Variants in IDO2 observed in about 807,000 individuals in gnomAD.
IDO2 encodes the protein indoleamine 2,3-dioxygenase-like 1 protein.
A neutral mutation model predicts 45.1 loss-of-function variants in IDO2; 46 were observed. The ratio of observed to expected loss-of-function variants is 1.02; its 90% confidence interval spans 0.80 to 1.30. The LOEUF is 1.30. IDO2 is among the 50% of genes most tolerant of loss of function. The probability of loss-of-function intolerance (pLI) is 0.00; values close to 1 mark genes in which losing one functional copy is unlikely to be tolerated. For synonymous variants in IDO2, 218 were observed against 184.9 expected (o/e 1.18, Z -1.45); for missense variants, 544 against 491.8 (o/e 1.11, Z -1.00).
intron 1 of IDO2, among the ~76,000 whole-genome samples, chr8:39,943,933 T>G (rs1807691728): frequency 6.6e-6 from 1 of 152,068 alleles, no homozygotes; most frequent in Admixed American, 6.6e-5. Flanking sequence ...CGAGAGGTGC[T>G]GTGGCTCAGT....
intron 3 of IDO2, among the ~76,000 whole-genome samples, chr8:39,967,676 C>T (rs1353468204): frequency 3.3e-5 from 5 of 152,140 alleles, no homozygotes; most frequent in South Asian, 2.1e-4. Flanking sequence ...TTATTAGAGA[C>T]GGGGTTTCAC....
intron 10 of IDO2, among the ~76,000 whole-genome samples, 178 bp downstream of exon 10, chr8:40,013,891 G>T (rs998617799): frequency 6.6e-6 from 1 of 152,086 alleles, no homozygotes; most frequent in East Asian, 1.9e-4. Context: ...ATTAATATTG[G>T]AATATCAGAT....
At chr8:39,982,832 T>G in intron 5 of IDO2, 62 bp downstream of exon 5, 4 of 1,073,154 alleles carry the variant, frequency 3.7e-6, no homozygotes, top group Non-Finnish European at 5.4e-6. Flanking sequence ...ACCCAGGCTT[T>G]TTTTTATAAT....
At chr8:39,935,793 G>A (rs1442637039) in intron 1 of IDO2, among the ~76,000 whole-genome samples, 1 of 152,172 alleles carries the variant, frequency 6.6e-6, no homozygotes, top group African/African-American at 2.4e-5. Flanking sequence ...GCACAGTCAA[G>A]AACACCACAT....
At chr8:39,955,983 T>C (rs563099644) in intron 2 of IDO2, among the ~76,000 whole-genome samples, 131 of 152,286 alleles carry the variant, frequency 8.6e-4, no homozygotes, top group African/African-American at 3.1e-3. Flanking sequence ...CAACAGTGGA[T>C]AGTTGCCTTG....
chr8:39,990,556 A>G (rs759260545), intron 8 of IDO2, among the ~76,000 whole-genome samples: 12 of 152,234 alleles, frequency 7.9e-5, no homozygotes, highest in Non-Finnish European at 1.6e-4. Context: ...ACATCTGCCC[A>G]GCAACTGCCT....
exon 10 of IDO2, chr8:40,013,641 G>T: frequency 6.2e-7 from 1 of 1,613,840 alleles, no homozygotes; most frequent in South Asian, 1.1e-5. Flanking sequence ...ATACTCCGGC[G>T]GGAGTGCAGC....
At position 39,955,818 on chromosome 8, in the gene IDO2, T is replaced by C. The variant is rs1440156908; in HGVS notation, c.99+6554T>C. Among the ~76,000 whole-genome samples the C allele has an allele frequency of 3.9e-5, 6 of 152,244 alleles. No homozygotes were observed. In the South Asian group the frequency reaches 1.0e-3, roughly 26 times the overall value. ...GTCAAAATACTGTCCCCAAACGTTT[T>C]CTATATTTCTAGATTTTACTGTTTA... is the stretch of plus-strand genomic sequence containing the variant. On this transcript the variant is annotated intron_variant, in intron 2 of 10. Coordinates refer to ENST00000502986, the Ensembl canonical transcript of IDO2.
intron 4 of IDO2, among the ~76,000 whole-genome samples, chr8:39,979,565 C>T (rs1808311084): frequency 6.6e-6 from 1 of 152,178 alleles, no homozygotes; most frequent in Non-Finnish European, 1.5e-5. Flanking sequence ...GTTGCCCAGG[C>T]TGGTCTCGAA....
At chr8:39,970,263 C>T (rs905530347) in intron 3 of IDO2, among the ~76,000 whole-genome samples, 1 of 152,208 alleles carries the variant, frequency 6.6e-6, no homozygotes, top group Non-Finnish European at 1.5e-5. Flanking sequence ...AGGCTAGAAG[C>T]CATCTCCACA....
At chr8:40,005,918 G>A (rs1214666096) in intron 9 of IDO2, among the ~76,000 whole-genome samples, 1 of 152,196 alleles carries the variant, frequency 6.6e-6, no homozygotes, top group Non-Finnish European at 1.5e-5. Flanking sequence ...ACAATCCCCT[G>A]AGTGGAACTA....
At chr8:39,940,659 C>T (rs1807628790) in intron 1 of IDO2, among the ~76,000 whole-genome samples, 1 of 152,144 alleles carries the variant, frequency 6.6e-6, no homozygotes, top group Non-Finnish European at 1.5e-5. Context: ...CCTTACTGTG[C>T]TATAGAACAC....
At chr8:39,950,215 C>T (rs368946134) in intron 2 of IDO2, among the ~76,000 whole-genome samples, 9 of 152,188 alleles carry the variant, frequency 5.9e-5, no homozygotes, top group Admixed American at 2.0e-4. Context: ...TAAATGAGGG[C>T]CAAGGCCACT....
intron 3 of IDO2, among the ~76,000 whole-genome samples, chr8:39,970,549 G>C (rs1808162013): frequency 6.6e-6 from 1 of 152,054 alleles, no homozygotes; most frequent in South Asian, 2.1e-4. Flanking sequence ...CTGCCACAAC[G>C]CCTGACTAAT....
chr8:39,973,144 G>T (rs2129594173), intron 3 of IDO2, among the ~76,000 whole-genome samples: 1 of 152,302 alleles, frequency 6.6e-6, no homozygotes, highest in African/African-American at 2.4e-5. Context: ...GGAAGTTATA[G>T]ATCAGCAAGG....
chr8:40,014,255 G>A (rs1054214309), intron 10 of IDO2, among the ~76,000 whole-genome samples: 1 of 152,178 alleles, frequency 6.6e-6, no homozygotes, highest in African/African-American at 2.4e-5. Flanking sequence ...AGTTGGATTA[G>A]AAGAAAAAGA....
chr8:39,975,521 T>C (rs1311271508), intron 3 of IDO2, among the ~76,000 whole-genome samples: 1 of 152,166 alleles, frequency 6.6e-6, no homozygotes, highest in Non-Finnish European at 1.5e-5. Context: ...CAATATATCA[T>C]CTGAAAAATG....
At chr8:39,995,923 C>A (rs1422845959) in intron 8 of IDO2, among the ~76,000 whole-genome samples, 1 of 152,128 alleles carries the variant, frequency 6.6e-6, no homozygotes, top group East Asian at 1.9e-4. Flanking sequence ...GGACCGTGGT[C>A]TAGCGGTAGC....
intron 1 of IDO2, among the ~76,000 whole-genome samples, chr8:39,947,330 C>A (rs570748797): frequency 1.8e-4 from 28 of 152,092 alleles, no homozygotes; most frequent in Non-Finnish European, 4.0e-4. Flanking sequence ...ATTCAAAGAC[C>A]TGTGCTAACA....
Sources: gnomAD v4.1 joint callset for allele counts (sites outside exome capture counted in the v4.1 genomes callset) on GRCh38, gnomAD v4.1.1 for gene constraint, MANE v1.5 for transcripts, NCBI Gene and HGNC (gene_info 2026-07-23, HGNC 2026-07-21) for gene names.